Variants in NKAIN3 observed in about 807,000 individuals in gnomAD.
NKAIN3 encodes sodium/potassium-transporting ATPase subunit beta-1-interacting protein 3.
Under a neutral mutation model 30.2 loss-of-function variants are expected in NKAIN3, and 25 were observed. The observed-to-expected ratio is 0.83, with a 90% CI of 0.60 to 1.16. The LOEUF is 1.16. Ranked by LOEUF, NKAIN3 falls within the 50% of genes most tolerant of loss-of-function variation. The pLI, the probability that NKAIN3 is intolerant of heterozygous loss-of-function variation, is 0.00. For synonymous variants in NKAIN3, 91 were observed against 89.6 expected (o/e 1.02, Z -0.09); for missense variants, 225 against 254.1 (o/e 0.89, Z 0.78).
Position 62,863,297 on chromosome 8 carries a change from T to C in NKAIN3, c.472-55156T>C, listed in dbSNP as rs746321932. The C allele has an allele frequency of 1.3e-5, 18 of 1,343,074 alleles. No individual in the cohort carries two copies. The Admixed American group carries it at 4.3e-4, about 32-fold the overall frequency. 83.2% of individuals were successfully genotyped at this position (1,343,074 alleles called of 1,614,324 possible). A position where few individuals can be genotyped will look rare whatever the true frequency, so the allele number is the denominator to read the frequency against. ...ATAGGTTTCTGCTGTGGAGCCGTAC[T>C]CACTGCAGACCCTGAAGGAGGAGGA... On this transcript the variant is annotated intron_variant, in intron 4 of 6. Transcript: ENST00000623646.
chr8:62,554,655 G>A lies in NKAIN3; in HGVS notation c.55-24884G>A, dbSNP rs548810032. On this transcript the variant is annotated intron_variant, in intron 1 of 6. Transcript: ENST00000623646. ...GGCTATTGGTACCTCAAGGCATCAG[G>A]CAAACAGAGATGAAAATCCAAAAAC... Among the ~76,000 whole-genome samples the A allele has an allele frequency of 5.3e-5, 8 of 152,124 alleles. No homozygotes were observed. The East Asian group carries it at 1.4e-3, about 26-fold the overall frequency.
intron 4 of NKAIN3, among the ~76,000 whole-genome samples, chr8:62,802,316 G>T (rs1818096364): frequency 6.6e-6 from 1 of 152,176 alleles, no homozygotes; most frequent in African/African-American, 2.4e-5. Context: ...ACACGTAGTT[G>T]TCAGATTCAC....
At chr8:62,376,941 G>T (rs1817103106) in intron 1 of NKAIN3, among the ~76,000 whole-genome samples, 2 of 151,852 alleles carry the variant, frequency 1.3e-5, no homozygotes, top group Admixed American at 6.6e-5. Context: ...TATATATTTT[G>T]ATTTTTCTAT....
At chr8:62,580,906 TTA>T (rs71255350) in intron 2 of NKAIN3, among the ~76,000 whole-genome samples, 1,553 of 112,306 alleles carry the variant, frequency 0.014, 22 homozygotes, top group African/African-American at 0.042. Context: ...GCTAGGGTTT[TTA>T]TATATATATA....
At position 62,511,023 on chromosome 8, in the gene NKAIN3, A is replaced by T. The variant is rs529409030; in HGVS notation, c.55-68516A>T. 5.9e-5 allele frequency among the ~76,000 whole-genome samples: 9 copies of T among 151,962 alleles called. No individual in the cohort carries two copies. In the South Asian group the frequency reaches 6.3e-4, roughly 11 times the overall value. The stretch of plus-strand genomic sequence containing the variant: ...AGTCCTCCTAAGGAAACCCACATAA[A>T]CTCAACAACTTGATACACATTGCTC... On this transcript the variant is annotated intron_variant, in intron 1 of 6. Transcript: ENST00000623646.
At chr8:62,918,760 A>G (rs901680672) in intron 5 of NKAIN3, among the ~76,000 whole-genome samples, 1 of 152,182 alleles carries the variant, frequency 6.6e-6, no homozygotes, top group African/African-American at 2.4e-5. Context: ...GACTGCTGTC[A>G]TATCATATAT....
chr8:62,873,471 C>T (rs1163130788), intron 4 of NKAIN3, among the ~76,000 whole-genome samples: 2 of 148,594 alleles, frequency 1.3e-5, no homozygotes, highest in Non-Finnish European at 3.0e-5. Flanking sequence ...TTGAACTCAA[C>T]TCTGGATCAA....
intron 1 of NKAIN3, among the ~76,000 whole-genome samples, chr8:62,427,392 G>A (rs1348624772): frequency 2.0e-5 from 3 of 151,894 alleles, no homozygotes; most frequent in African/African-American, 7.3e-5. Context: ...TCAGATCCTG[G>A]GTCCCCTACT....
chr8:62,899,693 A>G (rs1037351670), intron 4 of NKAIN3, among the ~76,000 whole-genome samples: 1 of 152,186 alleles, frequency 6.6e-6, no homozygotes, highest in African/African-American at 2.4e-5. Flanking sequence ...CAGGGTGACT[A>G]TAGTCTATAA....
chr8:62,279,125 C>T (rs1296166162), intron 1 of NKAIN3, among the ~76,000 whole-genome samples: 1 of 152,138 alleles, frequency 6.6e-6, no homozygotes, highest in Non-Finnish European at 1.5e-5. Context: ...TCTCTTATGA[C>T]CAGTGATGAT....
At chr8:62,871,414 A>AC in intron 4 of NKAIN3, among the ~76,000 whole-genome samples, 1 of 128,138 alleles carries the variant, frequency 7.8e-6, no homozygotes, top group African/African-American at 3.1e-5. Flanking sequence ...AAAAAAAAAA[A>AC]AAAACAAAAA....
chr8:62,759,712 G>A (rs1346063366), intron 4 of NKAIN3, among the ~76,000 whole-genome samples: 1 of 118,006 alleles, frequency 8.5e-6, no homozygotes, highest in Admixed American at 9.7e-5. Flanking sequence ...GCATGGGCAA[G>A]GACTTCATGT....
chr8:62,746,530 A>G (rs998921227), intron 3 of NKAIN3, among the ~76,000 whole-genome samples: 11 of 152,238 alleles, frequency 7.2e-5, no homozygotes, highest in African/African-American at 2.7e-4. Context: ...ATTCACTTAG[A>G]ACAACATCTA....
At chr8:62,735,513 T>C (rs1244130893) in intron 3 of NKAIN3, among the ~76,000 whole-genome samples, 1 of 152,108 alleles carries the variant, frequency 6.6e-6, no homozygotes, top group African/African-American at 2.4e-5. Context: ...TTTATTTACA[T>C]TATTTATTTC....
At position 62,968,425 on chromosome 8, in the gene NKAIN3, T is replaced by C. The variant is rs116377597; in HGVS notation, c.*3018T>C. On this transcript the variant is annotated 3_prime_UTR_variant, in exon 7 of 7. Transcript: ENST00000623646. ...TTTCAGCAAAGACATGGTCACTACA[T>C]GCACTGTATGTTCTTGCCAAACCTC... Among the ~76,000 whole-genome samples the C allele has an allele frequency of 6.0e-4, 92 of 152,356 alleles. No individual in the cohort carries two copies. The highest frequency in any genetic ancestry group is 3.4e-3 in the Middle Eastern group (1 of 294).
chr8:62,609,444 T>C (rs554676597), intron 3 of NKAIN3, among the ~76,000 whole-genome samples: 5 of 152,292 alleles, frequency 3.3e-5, no homozygotes, highest in Admixed American at 6.5e-5. Context: ...CTCATTAACA[T>C]TTTCTTTTCT....
At chr8:62,741,460 AG>A (rs1332683479) in intron 3 of NKAIN3, among the ~76,000 whole-genome samples, 1 of 152,130 alleles carries the variant, frequency 6.6e-6, no homozygotes, top group East Asian at 1.9e-4. Flanking sequence ...CCTTCCTAAA[AG>A]CAGGAGATAA....
At chr8:62,905,250 T>G (rs1821742191) in intron 4 of NKAIN3, among the ~76,000 whole-genome samples, 1 of 151,556 alleles carries the variant, frequency 6.6e-6, no homozygotes, top group South Asian at 2.1e-4. Context: ...ACTCAGGGAG[T>G]TGGAGTACAG....
intron 1 of NKAIN3, among the ~76,000 whole-genome samples, chr8:62,309,656 C>T (rs940573590): frequency 6.7e-6 from 1 of 150,170 alleles, no homozygotes; most frequent in Non-Finnish European, 1.5e-5. Flanking sequence ...TCAGACCCAT[C>T]TAGTGTGTGT....
Sources: allele counts gnomAD v4.1 joint callset (sites outside exome capture counted in the v4.1 genomes callset), GRCh38; gene constraint gnomAD v4.1.1; transcripts MANE v1.5; gene names NCBI Gene and HGNC (gene_info 2026-07-23, HGNC 2026-07-21).